The following TMPRSS12 variants were observed in gnomAD, a reference collection of about 807,000 sequenced individuals.
TMPRSS12 encodes transmembrane serine protease 12.
A neutral mutation model predicts 26.0 loss-of-function variants in TMPRSS12; 25 were observed. That is an observed-to-expected ratio of 0.96 (90% CI 0.70 to 1.34). The LOEUF (loss-of-function observed/expected upper bound fraction) is 1.34. Ranked by LOEUF, TMPRSS12 falls within the 40% of genes most tolerant of loss-of-function variation. TMPRSS12 has a pLI of 0.00. For synonymous variants in TMPRSS12, 150 were observed against 161.7 expected, an observed-to-expected ratio of 0.93 and a Z score of 0.55; for missense variants, 441 against 440.1, an observed-to-expected ratio of 1.00 and a Z score of -0.02.
At chr12:50,852,010 A>T (rs547900519) in intron 2 of TMPRSS12, among the ~76,000 whole-genome samples, 2 of 152,354 alleles carry the variant, frequency 1.3e-5, no homozygotes, top group Admixed American at 1.3e-4. Context: ...AAGGGAATTA[A>T]TTACCACCAG....
Position 50,843,077 on chromosome 12 carries a change from C to T in TMPRSS12, c.113C>T (p.Ala38Val), listed in dbSNP as rs1937727777. 1 of 1,587,086 alleles carries T rather than the reference C, an allele frequency of 6.3e-7. No individual in the cohort carries two copies. Among genetic ancestry groups the T allele is most frequent in the African/African-American group, 1.3e-5 (1 of 74,512 alleles). The change falls in exon 1 of 5, where the codon GCG becomes GTG. Residue 38 changes from alanine to valine, a missense_variant. By Grantham distance (64) the Ala-to-Val change is moderately conservative (BLOSUM62 0). Transcript: ENST00000398458. ...RHRLGPSPEPAASSQQAEAVR... is the reference protein window; with the variant it reads ...RHRLGPSPEPVASSQQAEAVR... ...AGGCTCGGCCCCTCGCCGGAACCGG[C>T]GGCTAGTTCCCAGCAGGCTGAGGCC...
intron 2 of TMPRSS12, among the ~76,000 whole-genome samples, chr12:50,849,170 T>C (rs1194302383): frequency 6.6e-6 from 1 of 152,190 alleles, no homozygotes; most frequent in Non-Finnish European, 1.5e-5. Flanking sequence ...CACCAATGGA[T>C]ATTTTTAGAA....
chr12:50,876,634 C>G (rs1283315643), intron 3 of TMPRSS12, among the ~76,000 whole-genome samples: 4 of 151,978 alleles, frequency 2.6e-5, no homozygotes, highest in Non-Finnish European at 5.9e-5. Flanking sequence ...GAAACCCCGT[C>G]TCTACTAAAT....
rs557885983 is a variant in TMPRSS12 at position 50,855,288 on chromosome 12, C to T, written c.384-3497C>T. Among the ~76,000 whole-genome samples the T allele has an allele frequency of 1.5e-3, 235 of 152,238 alleles. 1 individual carries two copies. The highest frequency in any genetic ancestry group is 5.2e-3 in the African/African-American group (218 of 41,552). ...ACTATCAACAGAGTAAACAGATAAC[C>T]TACAGAATATTTATGAACTATGCAT... On this transcript the variant is annotated intron_variant, in intron 2 of 4. Transcript: ENST00000398458.
At chr12:50,885,503 T>A (rs758868160) in intron 4 of TMPRSS12, 115 bp downstream of exon 4, 1 of 1,227,230 alleles carries the variant, frequency 8.1e-7, no homozygotes, top group Admixed American at 1.7e-5. Flanking sequence ...AAATAATAAA[T>A]CATTTTTTCT....
intron 2 of TMPRSS12, among the ~76,000 whole-genome samples, chr12:50,853,795 G>T (rs1258696881): frequency 6.6e-6 from 1 of 151,990 alleles, no homozygotes; most frequent in Non-Finnish European, 1.5e-5. Context: ...TTGAAACCCT[G>T]AACAGACCAA....
chr12:50,880,000 A>C (rs567499254), intron 3 of TMPRSS12, among the ~76,000 whole-genome samples: 1 of 152,226 alleles, frequency 6.6e-6, no homozygotes, highest in African/African-American at 2.4e-5. Context: ...AAATTGGATA[A>C]AGATTTGAAA....
At chr12:50,882,863 C>G (rs149552573) in intron 3 of TMPRSS12, among the ~76,000 whole-genome samples, 1 of 152,100 alleles carries the variant, frequency 6.6e-6, no homozygotes, top group East Asian at 1.9e-4. Context: ...CCTATACATA[C>G]GCTTCCAAAG....
intron 2 of TMPRSS12, among the ~76,000 whole-genome samples, chr12:50,847,729 C>G (rs11169592): frequency 0.2 from 30,370 of 151,536 alleles, 3,420 homozygotes; most frequent in East Asian, 0.42. Flanking sequence ...AACCCTGTCT[C>G]TACTAGAAAT....
At chr12:50,877,201 T>C (rs1049303879) in intron 3 of TMPRSS12, among the ~76,000 whole-genome samples, 3 of 152,186 alleles carry the variant, frequency 2.0e-5, no homozygotes, top group African/African-American at 4.8e-5. Flanking sequence ...ACGTATCCCC[T>C]GAATCTGAAA....
At chr12:50,853,129 C>G (rs558737615) in intron 2 of TMPRSS12, among the ~76,000 whole-genome samples, 15 of 152,178 alleles carry the variant, frequency 9.9e-5, no homozygotes, top group Non-Finnish European at 2.1e-4. Flanking sequence ...ACCATCCACA[C>G]TCTTGGATCA....
In TMPRSS12 at chr12:50,853,830, T is replaced by C. The variant is rs1484125071; in HGVS notation, c.384-4955T>C. On this transcript the variant is annotated intron_variant, in intron 2 of 4. Transcript: ENST00000398458. The stretch of plus-strand genomic sequence containing the variant: ...ATAACAAGTTCCAACACTAAATCAG[T>C]AATAAAAAAAGTACTAACTGGAAAA... Among the ~76,000 whole-genome samples, 16 of 151,760 alleles carry C rather than the reference T, an allele frequency of 1.1e-4. No individual in the cohort carries two copies. In the East Asian group the frequency reaches 2.9e-3, roughly 28 times the overall value.
chr12:50,879,848 T>G (rs1157713344), intron 3 of TMPRSS12, among the ~76,000 whole-genome samples: 1 of 152,076 alleles, frequency 6.6e-6, no homozygotes, highest in Non-Finnish European at 1.5e-5. Flanking sequence ...TATATGCCTG[T>G]AGTCCCAGCT....
chr12:50,844,402 G>A (rs574781651), intron 2 of TMPRSS12, among the ~76,000 whole-genome samples: 1 of 150,810 alleles, frequency 6.6e-6, no homozygotes, highest in South Asian at 2.1e-4. Context: ...GAAATGGAGT[G>A]TCACTCTGTT....
chr12:50,880,547 C>T (rs73086724), intron 3 of TMPRSS12, among the ~76,000 whole-genome samples: 30,257 of 152,000 alleles, frequency 0.2, 3,559 homozygotes, highest in East Asian at 0.42. Context: ...AATGGTAAAG[C>T]CACTTAGGAA....
At chr12:50,867,563 C>T (rs1479051999) in intron 3 of TMPRSS12, among the ~76,000 whole-genome samples, 4 of 152,128 alleles carry the variant, frequency 2.6e-5, no homozygotes, top group South Asian at 2.1e-4. Context: ...GGGGAATAAT[C>T]GAGGAAAACT....
At chr12:50,849,726 A>T (rs2579071) in intron 2 of TMPRSS12, among the ~76,000 whole-genome samples, 104,333 of 147,094 alleles carry the variant, frequency 0.71, 36,802 homozygotes, top group Non-Finnish European at 0.78. Context: ...ATTCCTTTTT[A>T]AAAAAAAAAA....
At chr12:50,857,446 C>CTT (rs57774624) in intron 2 of TMPRSS12, among the ~76,000 whole-genome samples, 98,406 of 151,904 alleles carry the variant, frequency 0.65, 32,174 homozygotes, top group Non-Finnish European at 0.7. Flanking sequence ...TCCTCTAACT[C>CTT]GTCTGCACTG....
chr12:50,880,263 C>A (rs1482935043), intron 3 of TMPRSS12, among the ~76,000 whole-genome samples: 1 of 152,132 alleles, frequency 6.6e-6, no homozygotes, highest in Non-Finnish European at 1.5e-5. Flanking sequence ...TGGTACATGC[C>A]TGTAGTCCCA....
Sources: allele counts gnomAD v4.1 joint callset (sites outside exome capture counted in the v4.1 genomes callset), GRCh38; gene constraint gnomAD v4.1.1; transcripts MANE v1.5; gene names NCBI Gene and HGNC (gene_info 2026-07-23, HGNC 2026-07-21).